Variants in NTM observed in about 807,000 individuals in gnomAD.
The protein encoded by NTM is IgLON family member 2.
In NTM, 13 loss-of-function variants were observed where a neutral mutation model predicts 42.1. The observed-to-expected ratio is 0.31, with a 90% confidence interval of 0.20 to 0.49. The LOEUF (loss-of-function observed/expected upper bound fraction) is 0.49, where lower values mean the gene tolerates loss of function less well. Ranked by LOEUF, NTM falls within the 20% of genes least tolerant of loss-of-function variation. The pLI is 0.99. For synonymous variants in NTM, 187 were observed against 179.2 expected (o/e 1.04, Z -0.35); for missense variants, 373 against 452.8 (o/e 0.82, Z 1.60).
chr11:132,013,291 T>G (rs2072640106), intron 2 of NTM, among the ~76,000 whole-genome samples: 1 of 152,086 alleles, frequency 6.6e-6, no homozygotes, highest in South Asian at 2.1e-4. Flanking sequence ...GAAAAGATTT[T>G]TAAGAGGGGA....
At chr11:131,658,875 G>A (rs1472853072) in intron 1 of NTM, among the ~76,000 whole-genome samples, 1 of 152,092 alleles carries the variant, frequency 6.6e-6, no homozygotes, top group African/African-American at 2.4e-5. Flanking sequence ...GGAGGCTGAG[G>A]CACGAGAATC....
intron 2 of NTM, among the ~76,000 whole-genome samples, chr11:131,936,127 A>G (rs2059190747): frequency 6.6e-6 from 1 of 152,206 alleles, no homozygotes; most frequent in Non-Finnish European, 1.5e-5. Context: ...TAAAACATGC[A>G]AAATCACATT....
intron 2 of NTM, among the ~76,000 whole-genome samples, chr11:131,929,755 T>C (rs1317607640): frequency 2.6e-5 from 4 of 152,162 alleles, no homozygotes; most frequent in Non-Finnish European, 5.9e-5. Flanking sequence ...CCTCGAAGGA[T>C]CGTGAAATTC....
At chr11:131,516,439 C>A (rs571888386) in intron 1 of NTM, among the ~76,000 whole-genome samples, 1 of 152,250 alleles carries the variant, frequency 6.6e-6, no homozygotes, top group South Asian at 2.1e-4. Flanking sequence ...AGAGCAGTGG[C>A]GCGATCTCGG....
chr11:132,219,502 T>C (rs867372643), intron 4 of NTM, among the ~76,000 whole-genome samples: 2 of 151,872 alleles, frequency 1.3e-5, no homozygotes, highest in Admixed American at 6.6e-5. Flanking sequence ...TCTCTCTTAA[T>C]TTAATATGTA....
chr11:131,931,923 G>A (rs1208889820), intron 2 of NTM, among the ~76,000 whole-genome samples: 6 of 152,194 alleles, frequency 3.9e-5, no homozygotes, highest in African/African-American at 1.4e-4. Context: ...CATTTCTGGC[G>A]GGAGAGAGGA....
chr11:132,310,889 C>T (rs539298367), intron 6 of NTM, among the ~76,000 whole-genome samples: 12 of 152,270 alleles, frequency 7.9e-5, no homozygotes, highest in African/African-American at 2.6e-4. Context: ...TAGCTCAGTA[C>T]AGCCAGGCAC....
intron 1 of NTM, among the ~76,000 whole-genome samples, chr11:131,642,021 G>A (rs1033397916): frequency 3.3e-5 from 5 of 152,068 alleles, no homozygotes; most frequent in African/African-American, 1.2e-4. Flanking sequence ...CACTGTGCCC[G>A]GCCCCAATAT....
chr11:131,919,287 T>G (rs1230327648), intron 2 of NTM, among the ~76,000 whole-genome samples: 1 of 152,160 alleles, frequency 6.6e-6, no homozygotes, highest in African/African-American at 2.4e-5. Flanking sequence ...AGGAGTAAGT[T>G]GATGGGTTCC....
At position 131,773,100 on chromosome 11, in the gene NTM, C is replaced by G. The variant is rs555854234; in HGVS notation, c.83-138464C>G. On this transcript the variant is annotated intron_variant, in intron 1 of 8. Transcript: ENST00000683400. ...TCTTATAAATAAAAGAAATTCATTT[C>G]TCATAGTTCTGGAAGCTGGGAAGTC... Among the ~76,000 whole-genome samples, 4 of 152,256 alleles carry G rather than the reference C, an allele frequency of 2.6e-5. No individual in the cohort carries two copies. The South Asian group carries it at 8.3e-4, about 32-fold the overall frequency.
chr11:131,504,298 C>T (rs1354469521), intron 1 of NTM, among the ~76,000 whole-genome samples: 1 of 152,180 alleles, frequency 6.6e-6, no homozygotes, highest in Non-Finnish European at 1.5e-5. Flanking sequence ...CTTGGGCTCA[C>T]ATTCTGGAGA....
At chr11:131,561,677 A>G (rs1379544935) in intron 1 of NTM, among the ~76,000 whole-genome samples, 2 of 149,296 alleles carry the variant, frequency 1.3e-5, no homozygotes, top group Non-Finnish European at 3.0e-5. Context: ...TGAGAGAACA[A>G]TTTGTTAGTA....
intron 2 of NTM, among the ~76,000 whole-genome samples, chr11:131,969,804 G>C (rs186658962): frequency 2.0e-5 from 3 of 152,152 alleles, no homozygotes; most frequent in Admixed American, 2.0e-4. Flanking sequence ...TAAAGAAAGA[G>C]CGATGATAAA....
intron 2 of NTM, among the ~76,000 whole-genome samples, chr11:132,021,704 C>A (rs1436651734): frequency 1.3e-5 from 2 of 152,080 alleles, no homozygotes; most frequent in African/African-American, 2.4e-5. Flanking sequence ...CCATAGGTTG[C>A]CCCCCAGGAC....
At chr11:131,591,693 A>G (rs914170080) in intron 1 of NTM, among the ~76,000 whole-genome samples, 2 of 152,196 alleles carry the variant, frequency 1.3e-5, no homozygotes, top group Non-Finnish European at 2.9e-5. Flanking sequence ...TGTCAGTCAC[A>G]TGGAGGAAGC....
intron 2 of NTM, among the ~76,000 whole-genome samples, chr11:132,091,401 G>A (rs1331339068): frequency 1.3e-5 from 2 of 151,528 alleles, no homozygotes; most frequent in Admixed American, 6.6e-5. Flanking sequence ...GTGGGACTCT[G>A]TCTCAAAAAA....
chr11:131,454,736 C>G (rs2136069168), intron 1 of NTM, among the ~76,000 whole-genome samples: 1 of 143,322 alleles, frequency 7.0e-6, no homozygotes, highest in Non-Finnish European at 1.6e-5. Context: ...AGGGGCTTGA[C>G]TTAGAAATTA....
At chr11:131,958,326 C>G (rs2134457759) in intron 2 of NTM, among the ~76,000 whole-genome samples, 1 of 152,190 alleles carries the variant, frequency 6.6e-6, no homozygotes, top group South Asian at 2.1e-4. Flanking sequence ...GGTAGACTCT[C>G]AGGGGTTGTG....
At chr11:131,411,089 G>A (rs919137775) in intron 1 of NTM, among the ~76,000 whole-genome samples, 1 of 152,046 alleles carries the variant, frequency 6.6e-6, no homozygotes, top group African/African-American at 2.4e-5. Context: ...TGTCCCTGGG[G>A]GTTCCCACCT....
Sources: gnomAD v4.1 joint callset for allele counts (sites outside exome capture counted in the v4.1 genomes callset) on GRCh38, gnomAD v4.1.1 for gene constraint, MANE v1.5 for transcripts, NCBI Gene and HGNC (gene_info 2026-07-23, HGNC 2026-07-21) for gene names.